SLC2A14: variants seen among roughly 807,000 people sequenced by gnomAD.
The protein encoded by SLC2A14 is solute carrier family 2, facilitated glucose transporter member 14.
A neutral mutation model predicts 43.0 loss-of-function variants in SLC2A14; 13 were observed. The ratio of observed to expected loss-of-function variants is 0.30; its 90% CI spans 0.20 to 0.48. The LOEUF (loss-of-function observed/expected upper bound fraction) is 0.48. Ranked by LOEUF, SLC2A14 falls within the 20% of genes least tolerant of loss-of-function variation. The pLI is 0.99. For missense variants in SLC2A14, 428 were observed against 620.4 expected, an observed-to-expected ratio of 0.69 and a Z score of 3.29; for synonymous variants, 190 against 233.8, an observed-to-expected ratio of 0.81 and a Z score of 1.71.
Position 7,869,894 on chromosome 12 carries a change from T to G in SLC2A14, c.-14A>C. 6.5e-7 allele frequency: 1 copy of G among 1,529,418 alleles called. No homozygotes were observed. The highest frequency in any genetic ancestry group is 8.8e-7 in the Non-Finnish European group (1 of 1,141,566). 94.7% of individuals were successfully genotyped at this position (1,529,418 alleles called of 1,614,324 possible). On this transcript the variant is annotated 5_prime_UTR_variant, in exon 2 of 11. Coordinates refer to ENST00000431042, the MANE Select transcript of SLC2A14 (RefSeq NM_001286234.2). ...TCTGTTGTCCATCTCTCTGCTATCC[T>G]AGGAATTGACTCCCTCTCCAATTTC...
chr12:7,870,902 C>T (rs1945188667), intron 1 of SLC2A14: 1 of 1,387,154 alleles, frequency 7.2e-7, no homozygotes, highest in Non-Finnish European at 9.6e-7. Flanking sequence ...GACCACAGCA[C>T]AAGGGGCCAC....
At chr12:7,872,203 C>T (rs1945271179) in intron 1 of SLC2A14, 2 of 152,190 alleles carry the variant, frequency 1.3e-5, no homozygotes, top group African/African-American at 4.8e-5. Flanking sequence ...TCCATAATTT[C>T]CTAAGACAAT....
intron 2 of SLC2A14, among the ~76,000 whole-genome samples, chr12:7,837,915 G>C (rs1033203779): frequency 2.0e-5 from 3 of 151,752 alleles, no homozygotes; most frequent in Admixed American, 6.6e-5. Context: ...ACGCCACCAC[G>C]CCTGGTTAAT....
upstream of SLC2A14, among the ~76,000 whole-genome samples, chr12:7,875,083 ATTC>A (rs1250090030): frequency 4.4e-4 from 26 of 58,654 alleles, no homozygotes; most frequent in South Asian, 2.9e-3. Context: ...TATATTTAAT[ATTC>A]TATTTAAATT....
At chr12:7,889,537 T>TC (rs1169561515) in intron 1 of SLC2A14, among the ~76,000 whole-genome samples, 38 of 128,860 alleles carry the variant, frequency 2.9e-4, no homozygotes, top group African/African-American at 1.0e-3. Flanking sequence ...CTGACCTGGT[T>TC]CCCCCTTTTT....
At chr12:7,836,082 C>T (rs768077103) in intron 2 of SLC2A14, among the ~76,000 whole-genome samples, 22 of 152,104 alleles carry the variant, frequency 1.4e-4, no homozygotes, top group Admixed American at 3.3e-4. Context: ...AAAATGAATC[C>T]GTTCCACATC....
intron 2 of SLC2A14, among the ~76,000 whole-genome samples, chr12:7,844,783 G>T (rs763700227): frequency 6.6e-6 from 1 of 152,048 alleles, no homozygotes; most frequent in South Asian, 2.1e-4. Context: ...TGATCCACCC[G>T]CCTTGGCCTC....
chr12:7,855,067 C>A (rs1867246031), intron 2 of SLC2A14, among the ~76,000 whole-genome samples: 1 of 151,976 alleles, frequency 6.6e-6, no homozygotes, highest in South Asian at 2.1e-4. Flanking sequence ...CTCGGCCTCC[C>A]AAAGGGCTGG....
intron 2 of SLC2A14, among the ~76,000 whole-genome samples, chr12:7,834,865 C>T (rs1186195420): frequency 1.3e-5 from 2 of 152,138 alleles, no homozygotes. Context: ...GTCCTTCACC[C>T]TGGCCACTAG....
chr12:7,890,965 C>T, intron 1 of SLC2A14: 1 of 1,522,314 alleles, frequency 6.6e-7, no homozygotes, highest in Non-Finnish European at 8.8e-7. Context: ...GACTACCTGC[C>T]TTGAAGCATG....
intron 2 of SLC2A14, among the ~76,000 whole-genome samples, chr12:7,857,953 G>A (rs1432696057): frequency 2.6e-5 from 4 of 152,024 alleles, no homozygotes; most frequent in East Asian, 1.9e-4. Flanking sequence ...GTGAAACCCC[G>A]TCTTTACTAA....
At chr12:7,867,577 T>G (rs1414772266) in intron 2 of SLC2A14, among the ~76,000 whole-genome samples, 1 of 151,846 alleles carries the variant, frequency 6.6e-6, no homozygotes, top group Non-Finnish European at 1.5e-5. Flanking sequence ...CTGGGCTCAG[T>G]GGCTCACACC....
At chr12:7,886,128 C>A (rs1027547473) in intron 1 of SLC2A14, among the ~76,000 whole-genome samples, 1 of 139,050 alleles carries the variant, frequency 7.2e-6, no homozygotes, top group South Asian at 2.3e-4. Context: ...GGATTACAGG[C>A]ATGTACCACC....
At chr12:7,873,784 A>G (rs1740666239), upstream of SLC2A14, among the ~76,000 whole-genome samples, 1 of 152,052 alleles carries the variant, frequency 6.6e-6, no homozygotes, top group South Asian at 2.1e-4. Context: ...TTGGAGTAAT[A>G]AAGATCATCC....
rs768290099 is a variant in SLC2A14 at position 7,854,507 on chromosome 12, G to A, written c.18+15356C>T. Among the ~76,000 whole-genome samples, 14 of 152,122 alleles carry A rather than the reference G, an allele frequency of 9.2e-5. No individual in the cohort carries two copies. In the South Asian group the frequency reaches 1.2e-3, roughly 14 times the overall value. Reference sequence around the variant, plus strand: ...TTTTTTGTTTGTTTGTTTGCTTTTTGAGATGGAGTTTCACTCTGGTTGCCC... The same window carrying A: ...TTTTTTGTTTGTTTGTTTGCTTTTTAAGATGGAGTTTCACTCTGGTTGCCC... On this transcript the variant is annotated intron_variant, in intron 2 of 10. Coordinates refer to ENST00000431042, the MANE Select transcript of SLC2A14 (RefSeq NM_001286234.2).
chr12:7,830,556 A>C (rs1022110586), intron 4 of SLC2A14, among the ~76,000 whole-genome samples: 3 of 152,028 alleles, frequency 2.0e-5, no homozygotes, highest in Non-Finnish European at 4.4e-5. Flanking sequence ...GGATTGCTTG[A>C]GACTGGGAGG....
intron 1 of SLC2A14, among the ~76,000 whole-genome samples, chr12:7,870,432 T>G (rs1342252227): frequency 4.6e-5 from 7 of 152,166 alleles, no homozygotes; most frequent in Admixed American, 6.5e-5. Flanking sequence ...GAAGTCGTGA[T>G]TCTGCTTAAC....
chr12:7,874,766 T>TAA (rs1945390671), upstream of SLC2A14, among the ~76,000 whole-genome samples: 2 of 13,204 alleles, frequency 1.5e-4, no homozygotes, highest in Non-Finnish European at 3.0e-4. Context: ...TATATAACTA[T>TAA]ATAAACATAT....
upstream of SLC2A14, among the ~76,000 whole-genome samples, chr12:7,874,425 G>C (rs144962438): frequency 9.7e-3 from 1,475 of 152,022 alleles, 15 homozygotes; most frequent in Non-Finnish European, 0.015. Flanking sequence ...TGTAATCCCA[G>C]CACTTTGGGA....
Sources: gnomAD v4.1 joint callset for allele counts (sites outside exome capture counted in the v4.1 genomes callset) on GRCh38, gnomAD v4.1.1 for gene constraint, MANE v1.5 for transcripts, NCBI Gene and HGNC (gene_info 2026-07-23, HGNC 2026-07-21) for gene names.